CFAP221: variants seen among roughly 807,000 people sequenced by gnomAD.
CFAP221 encodes the protein cilia- and flagella-associated protein 221.
CFAP221 carries 97 observed loss-of-function variants against 113.1 expected under a neutral mutation model. The ratio of observed to expected loss-of-function variants is 0.86; its 90% confidence interval spans 0.73 to 1.02. The LOEUF is 1.02. Ranked by LOEUF, CFAP221 falls within the 50% of genes least tolerant of loss-of-function variation. The pLI is 0.00. For synonymous variants in CFAP221, 331 were observed against 354.4 expected (o/e 0.93, Z 0.74); for missense variants, 1,025 against 1,013.4 (o/e 1.01, Z -0.16).
chr2:119,630,437 A>G, intron 17 of CFAP221, 133 bp from the exon 18 acceptor site: 5 of 678,428 alleles, frequency 7.4e-6, no homozygotes, highest in Non-Finnish European at 1.0e-5. Context: ...AACAATAGCC[A>G]CAATCCGATG....
intron 14 of CFAP221, among the ~76,000 whole-genome samples, chr2:119,616,480 A>C (rs1685534745): frequency 6.6e-6 from 1 of 152,218 alleles, no homozygotes; most frequent in Non-Finnish European, 1.5e-5. Flanking sequence ...GGCTTAATGC[A>C]TGCCTTTCAG....
At chr2:119,566,077 T>C (rs1681602802) in intron 6 of CFAP221, among the ~76,000 whole-genome samples, 1 of 152,146 alleles carries the variant, frequency 6.6e-6, no homozygotes, top group South Asian at 2.1e-4. Context: ...TGAAAAGGGA[T>C]GACCCGGCTT....
intron 6 of CFAP221, chr2:119,580,762 T>C (rs1317376039): frequency 6.6e-6 from 1 of 152,266 alleles, no homozygotes. Context: ...AGCCACAGGC[T>C]TGCAGGCTCC....
chr2:119,589,048 C>G (rs528290178), intron 7 of CFAP221, among the ~76,000 whole-genome samples: 1 of 152,272 alleles, frequency 6.6e-6, no homozygotes, highest in Non-Finnish European at 1.5e-5. Context: ...GGCTCTTGGA[C>G]TTTGGGACCC....
At chr2:119,639,671 A>C (rs1687358834) in intron 20 of CFAP221, 110 bp from the exon 21 acceptor site, 1 of 809,320 alleles carries the variant, frequency 1.2e-6, no homozygotes, top group Admixed American at 2.5e-5. Context: ...GAAATTACAG[A>C]TTTTGGTGCT....
At chr2:119,649,281 C>T (rs543263276) in intron 22 of CFAP221, among the ~76,000 whole-genome samples, 2 of 152,164 alleles carry the variant, frequency 1.3e-5, no homozygotes, top group African/African-American at 2.4e-5. Context: ...GTACACTCCT[C>T]GACTTATGAT....
chr2:119,647,069 A>G lies in CFAP221; in HGVS notation c.2318+19A>G, dbSNP rs1202065750. 6.5e-6 allele frequency: 10 copies of G among 1,535,184 alleles called. No homozygotes were observed. The highest frequency in any genetic ancestry group is 2.3e-5 in the East Asian group (1 of 43,776). On this transcript the variant is annotated intron_variant, in intron 22 of 23. Transcript: ENST00000413369. ...TAGAACGGTATTTTTTTTTTTTTTA[A>G]TCTTTGGCCTCTAATGTGGTCTGTT...
At chr2:119,647,081 T>TGGAAA (rs751086365) in intron 22 of CFAP221, 31 bp downstream of exon 22, 12 of 1,566,238 alleles carry the variant, frequency 7.7e-6, no homozygotes, top group Non-Finnish European at 1.0e-5. Flanking sequence ...CTTTGGCCTC[T>TGGAAA]AATGTGGTCT....
intron 21 of CFAP221, among the ~76,000 whole-genome samples, chr2:119,643,891 G>A (rs1687643562): frequency 6.6e-6 from 1 of 151,522 alleles, no homozygotes; most frequent in Admixed American, 6.6e-5. Context: ...ATTGGTTTAT[G>A]CCTATAATCC....
At chr2:119,562,604 A>T (rs1681338248) in intron 6 of CFAP221, among the ~76,000 whole-genome samples, 1 of 152,194 alleles carries the variant, frequency 6.6e-6, no homozygotes, top group Non-Finnish European at 1.5e-5. Flanking sequence ...CCATTAACCA[A>T]TCTGTTTTGG....
chr2:119,607,126 A>G (rs1286035208), intron 11 of CFAP221, among the ~76,000 whole-genome samples: 1 of 152,216 alleles, frequency 6.6e-6, no homozygotes, highest in South Asian at 2.1e-4. Flanking sequence ...AATGTACTGT[A>G]TACCTAGTCT....
rs137987134 is a variant in CFAP221, at chr2:119,648,548, T to C, written c.2318+1498T>C. On this transcript the variant is annotated intron_variant, in intron 22 of 23. Coordinates refer to ENST00000413369, the MANE Select transcript of CFAP221 (RefSeq NM_001271049.2). ...GAGCTCCGGCACATTAGGAAGACTC[T>C]TGGTCCCAGAGTTCCTCCCTACCCG... 263 of 198,062 alleles carry C rather than the reference T, an allele frequency of 1.3e-3. 1 individual carries two copies. Among genetic ancestry groups the C allele is most frequent in the African/African-American group, 5.7e-3 (241 of 42,154 alleles). 12.3% of individuals were successfully genotyped at this position (198,062 alleles called of 1,614,324 possible).
chr2:119,592,125 A>C (rs767222753), intron 7 of CFAP221, among the ~76,000 whole-genome samples: 4 of 152,152 alleles, frequency 2.6e-5, no homozygotes, highest in Non-Finnish European at 5.9e-5. Flanking sequence ...CTCTGTGCCT[A>C]TGTACAAAGA....
intron 14 of CFAP221, among the ~76,000 whole-genome samples, chr2:119,624,619 C>A (rs1434576443): frequency 6.6e-6 from 1 of 152,148 alleles, no homozygotes; most frequent in East Asian, 1.9e-4. Context: ...TGGAACCAAC[C>A]CAAATGCCCA....
intron 14 of CFAP221, among the ~76,000 whole-genome samples, chr2:119,616,118 G>A (rs908628939): frequency 3.8e-4 from 58 of 152,174 alleles, no homozygotes; most frequent in African/African-American, 1.3e-3. Flanking sequence ...CATATTTGTG[G>A]GGCACAGTGT....
At chr2:119,574,031 C>G (rs76107300) in intron 6 of CFAP221, among the ~76,000 whole-genome samples, 4,190 of 152,264 alleles carry the variant, frequency 0.028, 70 homozygotes, top group Non-Finnish European at 0.041. Context: ...ATGTTAAATT[C>G]TAGACTTGTG....
In CFAP221 at chr2:119,595,745, A is replaced by G. The variant is rs1413426174; in HGVS notation, c.632-5473A>G. 2.0e-5 allele frequency among the ~76,000 whole-genome samples: 3 copies of G among 152,108 alleles called. No individual in the cohort carries two copies. The East Asian group carries it at 5.8e-4, about 29-fold the overall frequency. On this transcript the variant is annotated intron_variant, in intron 7 of 23. Transcript: ENST00000413369. ...ACAAAAGACATTGTCCAGAGCAAAA[A>G]TGGTGGTGAGAAAAATAAGACATGG...
At chr2:119,605,062 T>C in intron 10 of CFAP221, 75 bp downstream of exon 10, 1 of 1,499,104 alleles carries the variant, frequency 6.7e-7, no homozygotes, top group South Asian at 1.1e-5. Flanking sequence ...ACTGATTACC[T>C]ATGAACAACA....
chr2:119,578,611 A>G (rs996132472), intron 6 of CFAP221, among the ~76,000 whole-genome samples: 1 of 152,214 alleles, frequency 6.6e-6, no homozygotes, highest in Admixed American at 6.5e-5. Context: ...AGCTTACCTT[A>G]TCCATACATC....
Sources: allele counts gnomAD v4.1 joint callset (sites outside exome capture counted in the v4.1 genomes callset), GRCh38; gene constraint gnomAD v4.1.1; transcripts MANE v1.5; gene names NCBI Gene and HGNC (gene_info 2026-07-23, HGNC 2026-07-21).